The following CDC42BPG variants were observed in gnomAD, a reference collection of about 807,000 sequenced individuals.
CDC42BPG encodes serine/threonine-protein kinase MRCK gamma.
In CDC42BPG, 157 loss-of-function variants were observed where a neutral mutation model predicts 192.2. The ratio of observed to expected loss-of-function variants is 0.82; its 90% CI spans 0.72 to 0.93. CDC42BPG has a LOEUF of 0.93. CDC42BPG is among the 40% of genes least tolerant of loss of function. The probability of loss-of-function intolerance (pLI) is 0.00; values close to 1 mark genes in which losing one functional copy is unlikely to be tolerated. For synonymous variants in CDC42BPG, 981 were observed against 918.5 expected (o/e 1.07, Z -1.23); for missense variants, 1,992 against 2,122.1 (o/e 0.94, Z 1.20).
At chr11:64,834,119 T>G in intron 20 of CDC42BPG, 142 bp from the exon 21 acceptor site, 3 of 1,405,104 alleles carry the variant, frequency 2.1e-6, no homozygotes, top group Non-Finnish European at 3.0e-6. Flanking sequence ...ACTCCAGAAG[T>G]GCTGGTCACA....
chr11:64,841,893 C>G lies in CDC42BPG; in HGVS notation c.172G>C (p.Val58Leu). 1 of 1,607,854 alleles carries G rather than the reference C, an allele frequency of 6.2e-7. No homozygotes were observed. Among genetic ancestry groups the G allele is most frequent in the Non-Finnish European group, 8.5e-7 (1 of 1,177,186 alleles). The change falls in exon 2 of 37, where the codon GTA becomes CTA. Residue 58 changes from valine (V) to leucine (L), a missense_variant. Physicochemically the swap from Val to Leu is conservative, Grantham distance 32. Around this residue, in one of 2 missense-constraint regions of CDC42BPG, gnomAD observed 1,656 missense variants for 1,844.3 expected, o/e 0.90. Coordinates refer to ENST00000342711, the MANE Select transcript of CDC42BPG (RefSeq NM_017525.3). ...AQFLSWASPF[V>L]SKVKELRLQR... is the part of the protein sequence containing the mutation. Reference sequence around the variant, plus strand: ...AGACGCAGTTCTTTCACCTTTGATACGAAGGGGCTGGCTGAGGGGACACAG... The same window carrying G: ...AGACGCAGTTCTTTCACCTTTGATAGGAAGGGGCTGGCTGAGGGGACACAG...
At chr11:64,840,059 C>A (rs1943208674) in intron 5 of CDC42BPG, 61 bp downstream of exon 5, 3 of 1,520,876 alleles carry the variant, frequency 2.0e-6, no homozygotes, top group South Asian at 1.2e-5. Context: ...GTCCCCAGCA[C>A]AGCTGGCAGG....
Position 64,831,710 on chromosome 11 carries a change from G to C in CDC42BPG, c.3099C>G (p.Ser1033=). Residue 1033 remains serine (S), a synonymous_variant, in exon 28 of 37, where the codon TCC becomes TCG. Transcript: ENST00000342711. ...DLPRIFRVTT[S]QLAVPPTTCT... ...ACGTGGTGGGCGGCACTGCCAGCTG[G>C]GAGGTTGTCACCTGTGGGCAAGGAC... 1.3e-6 allele frequency: 2 copies of C among 1,597,348 alleles called. No homozygotes were observed. The highest frequency in any genetic ancestry group is 8.5e-7 in the Non-Finnish European group (1 of 1,175,146).
Position 64,844,487 on chromosome 11 carries a change from A to G in CDC42BPG, c.83T>C (p.Leu28Pro). 2.1e-6 allele frequency: 3 copies of G among 1,400,512 alleles called. No homozygotes were observed. Among genetic ancestry groups the G allele is most frequent in the Non-Finnish European group, 2.8e-6 (3 of 1,078,074 alleles). 86.8% of individuals were successfully genotyped at this position (1,400,512 alleles called of 1,614,324 possible). Residue 28 changes from leucine (L) to proline (P), a missense_variant, in exon 1 of 37, where the codon CTG becomes CCG. Around this residue, in one of 2 missense-constraint regions of CDC42BPG, gnomAD observed 1,656 missense variants for 1,844.3 expected, o/e 0.90. Transcript: ENST00000342711. ...GAGCTCGTGGTGCAGCGCCAGCAGC[A>G]GATCTAGGAGGCCGTCGAGCCCCGG... ...GCPGLDGLLD[L>P]LLALHHELSS... is the part of the protein sequence containing the mutation.
rs1565668472 is a variant in CDC42BPG, at chr11:64,827,070, C to T, written c.4369G>A (p.Gly1457Ser). 8 of 1,612,572 alleles carry T rather than the reference C, an allele frequency of 5.0e-6. No individual in the cohort carries two copies. In the South Asian group the frequency reaches 6.6e-5, roughly 13 times the overall value. Reference sequence around the variant, plus strand: ...CTAACCGGGGACTTGTCCCTGGCGCCGGGCCGCCCGTTGGCAGGGCCCACG... The same window carrying T: ...CTAACCGGGGACTTGTCCCTGGCGCTGGGCCGCCCGTTGGCAGGGCCCACG... ...VHVGPANGRPGARDKSPAPEE... is the reference protein window; with the variant it reads ...VHVGPANGRPSARDKSPAPEE... Residue 1457 changes from glycine to serine, a missense_variant, in exon 34 of 37, where the codon GGC (glycine) becomes AGC (serine). By Grantham distance (56) the Gly-to-Ser change is moderately conservative (BLOSUM62 0). Around this residue, in one of 2 missense-constraint regions of CDC42BPG, gnomAD observed 336 missense variants for 277.9 expected, o/e 1.21. Transcript: ENST00000342711.
At position 64,826,710 on chromosome 11, in the gene CDC42BPG, A is replaced by G; in HGVS notation, c.4474T>C (p.Ser1492Pro). The change falls in exon 35 of 37, where the codon TCC becomes CCC. Residue 1492 changes from serine (S) to proline (P), a missense_variant. Transcript: ENST00000342711. ...SFSEALRRPA[S>P]MGSEGLGGDA... is the part of the protein sequence containing the mutation. ...CCACCGAGGCCTTCGCTGCCCATGGAGGCTGGGCGCCGCAACGCCTCGGAG... is the reference window on the plus strand; with the variant it reads ...CCACCGAGGCCTTCGCTGCCCATGGGGGCTGGGCGCCGCAACGCCTCGGAG... 1.3e-6 allele frequency: 2 copies of G among 1,555,660 alleles called. No homozygotes were observed. The highest frequency in any genetic ancestry group is 1.7e-6 in the Non-Finnish European group (2 of 1,151,248).
At position 64,840,272 on chromosome 11, in the gene CDC42BPG, G is replaced by A. The variant is rs1355597069; in HGVS notation, c.433-4C>T. 1 of 1,609,314 alleles carries A rather than the reference G, an allele frequency of 6.2e-7. No individual in the cohort carries two copies. Among genetic ancestry groups the A allele is most frequent in the Non-Finnish European group, 8.5e-7 (1 of 1,179,128 alleles). On this transcript the variant is annotated splice_region_variant and splice_polypyrimidine_tract_variant and intron_variant, in intron 4 of 36. Transcript: ENST00000342711. ...CATAGTAGTCCATCACAAGGTACTG[G>A]AGGTGGCGGACAAGAATCAGACCCG...
In CDC42BPG at chr11:64,844,461, T is replaced by C; in HGVS notation, c.109A>G (p.Ser37Gly). 1 of 1,465,536 alleles carries C rather than the reference T, an allele frequency of 6.8e-7. No homozygotes were observed. The highest frequency in any genetic ancestry group is 9.0e-7 in the Non-Finnish European group (1 of 1,113,832). The allele number at this position is 1,465,536 out of a possible 1,614,324, so 90.8% of individuals were successfully genotyped here. ...DLLLALHHEL[S>G]SGPLRRERSV... ...CGCTCCCGCCGTAGGGGGCCGCTGC[T>C]GAGCTCGTGGTGCAGCGCCAGCAGC... Residue 37 changes from serine (S) to glycine (G), a missense_variant, in exon 1 of 37, where the codon AGC becomes GGC. By Grantham distance (56) the Ser-to-Gly change is moderately conservative. Transcript: ENST00000342711.
At position 64,829,981 on chromosome 11, in the gene CDC42BPG, G is replaced by C. The variant is rs1332294834; in HGVS notation, c.3457C>G (p.Pro1153Ala). Residue 1153 changes from proline (P) to alanine (A), a missense_variant, in exon 30 of 37, where the codon CCC (proline) becomes GCC (alanine). Physicochemically the swap from Pro to Ala is conservative, Grantham distance 27 (BLOSUM62 -1). This residue lies in a region of CDC42BPG where 1,656 missense variants were observed against 1,844.3 expected (regional missense o/e 0.90). Coordinates refer to ENST00000342711, the MANE Select transcript of CDC42BPG (RefSeq NM_017525.3). Reference protein sequence around the residue: ...GLLVVLCGRGPSVRLFALAEL... With the variant: ...GLLVVLCGRGASVRLFALAEL... Reference sequence around the variant, plus strand: ...GCCAGGGCAAAGAGACGCACGCTGGGGCCGCGGCCACACAGCACGACCAGC... The same window carrying C: ...GCCAGGGCAAAGAGACGCACGCTGGCGCCGCGGCCACACAGCACGACCAGC... 6.2e-7 allele frequency: 1 copy of C among 1,612,898 alleles called. No individual in the cohort carries two copies. Among genetic ancestry groups the C allele is most frequent in the Non-Finnish European group, 8.5e-7 (1 of 1,179,862 alleles).
rs757884720 is a variant in CDC42BPG, at chr11:64,829,709, G to T, written c.3729C>A (p.Ala1243=). 2 of 1,610,466 alleles carry T rather than the reference G, an allele frequency of 1.2e-6. No individual in the cohort carries two copies. The highest frequency in any genetic ancestry group is 1.7e-6 in the Non-Finnish European group (2 of 1,179,098). ...GCAGCGGGTAGAGTGCAAAGCCACCGGCGGCGCCCACACATAGCCGGTCGC... is the reference window on the plus strand; with the variant it reads ...GCAGCGGGTAGAGTGCAAAGCCACCTGCGGCGCCCACACATAGCCGGTCGC... ...LLGDRLCVGA[A]GGFALYPLLN... The change falls in exon 30 of 37, where the codon GCC becomes GCA. Residue 1243 remains alanine, a synonymous_variant. Coordinates refer to ENST00000342711, the MANE Select transcript of CDC42BPG (RefSeq NM_017525.3).
In CDC42BPG at chr11:64,829,651, C is replaced by T. The variant is rs746873914; in HGVS notation, c.3787G>A (p.Gly1263Ser). The T allele has an allele frequency of 9.4e-5, 152 of 1,611,284 alleles. No individual in the cohort carries two copies. Among genetic ancestry groups the T allele is most frequent in the Middle Eastern group, 3.3e-4 (2 of 6,078 alleles). ...GGTGGCAGCTCCTCAGGCACCAAACCGGCCCCCAGCGCCAACGGCGCAGCC... is the reference window on the plus strand; with the variant it reads ...GGTGGCAGCTCCTCAGGCACCAAACTGGCCCCCAGCGCCAACGGCGCAGCC... ...NEAAPLALGA[G>S]LVPEELPPSR... Residue 1263 changes from glycine to serine, a missense_variant, in exon 30 of 37, where the codon GGT becomes AGT. Gly to Ser is a moderately conservative substitution (Grantham distance 56, BLOSUM62 0). This residue lies in a region of CDC42BPG where 1,656 missense variants were observed against 1,844.3 expected (regional missense o/e 0.90). Coordinates refer to ENST00000342711, the MANE Select transcript of CDC42BPG (RefSeq NM_017525.3).
At chr11:64,837,262 A>G (rs564591781) in intron 9 of CDC42BPG, among the ~76,000 whole-genome samples, 2 of 152,160 alleles carry the variant, frequency 1.3e-5, no homozygotes, top group Non-Finnish European at 2.9e-5. Flanking sequence ...CTCGAACCCA[A>G]TGTATTTTAC....
rs1031935932 is a variant in CDC42BPG at position 64,823,204 on chromosome 11, A to C, written c.*1269T>G. ...CGGGTTCACGCCATTCTCCTGCCTC[A>C]GCCTCCCGAGTAGCAGGGACTACAG... On this transcript the variant is annotated 3_prime_UTR_variant, in exon 37 of 37. Transcript: ENST00000342711. Among the ~76,000 whole-genome samples the C allele has an allele frequency of 7.3e-5, 11 of 150,204 alleles. No homozygotes were observed. Among genetic ancestry groups the C allele is most frequent in the African/African-American group, 2.7e-4 (11 of 40,676 alleles).
At position 64,830,257 on chromosome 11, in the gene CDC42BPG, C is replaced by T; in HGVS notation, c.3305-1G>A. ...GTGCCAAGCGCAAGTCGATCCTGGT[C>T]TGGTAGAGGGAGGCAGAGGGTCAGA... On this transcript the variant is annotated splice_acceptor_variant, in intron 28 of 36. Transcript: ENST00000342711. LOFTEE classifies it high-confidence loss of function. 2 of 1,606,032 alleles carry T rather than the reference C, an allele frequency of 1.2e-6. No homozygotes were observed. The highest frequency in any genetic ancestry group is 1.7e-6 in the Non-Finnish European group (2 of 1,176,316).
chr11:64,827,262 C>CTGA lies in CDC42BPG; in HGVS notation c.4271+15_4271+16insTCA, dbSNP rs1565669008. On this transcript the variant is annotated intron_variant, in intron 33 of 36. Coordinates refer to ENST00000342711, the MANE Select transcript of CDC42BPG (RefSeq NM_017525.3). ...CGGCCCCACCCAGCCTCAGCCCCCGCGTCGTGCACGCGCACCTGCGCTGCT... is the reference window on the plus strand; with the variant it reads ...CGGCCCCACCCAGCCTCAGCCCCCGCTGAGTCGTGCACGCGCACCTGCGCTGCT... The CTGA allele has an allele frequency of 1.1e-5, 17 of 1,613,378 alleles. No homozygotes were observed. The highest frequency in any genetic ancestry group is 1.4e-5 in the Non-Finnish European group (16 of 1,179,712).
intron 9 of CDC42BPG, among the ~76,000 whole-genome samples, chr11:64,837,567 T>A (rs1441545172): frequency 1.3e-5 from 2 of 152,224 alleles, no homozygotes; most frequent in Middle Eastern, 3.2e-3. Context: ...TTCAAGCGAT[T>A]CTCGCTGCCT....
Position 64,834,076 on chromosome 11 carries a change from C to A in CDC42BPG, c.2414-99G>T, listed in dbSNP as rs986745082. On this transcript the variant is annotated intron_variant, in intron 20 of 36. Transcript: ENST00000342711. The stretch of plus-strand genomic sequence containing the variant: ...CCCACCTCAGTAAAATGGGAAATGA[C>A]CACAGGGTGGGGCAGGGCTGGGCAC... 3 of 1,547,222 alleles carry A rather than the reference C, an allele frequency of 1.9e-6. No homozygotes were observed. In the African/African-American group the frequency reaches 4.1e-5, roughly 21 times the overall value.
At chr11:64,843,350 T>C (rs1592730304) in intron 1 of CDC42BPG, among the ~76,000 whole-genome samples, 2 of 146,236 alleles carry the variant, frequency 1.4e-5, no homozygotes, top group African/African-American at 2.6e-5. Flanking sequence ...ATGGGGGGGG[T>C]GACAACAACA....
rs149057251 is a variant in CDC42BPG at position 64,836,184 on chromosome 11, G to A, written c.1601C>T (p.Ala534Val). ...QRLQEAQERE[A>V]ATASQTRALS... ...GGCCCGGGTCTGGCTAGCTGTGGCC[G>A]CCTCTCTCTCCTGGGCCTCCTGTAG... is the stretch of plus-strand genomic sequence containing the variant. The change falls in exon 13 of 37, where the codon GCG (alanine) becomes GTG (valine). Residue 534 changes from alanine (A) to valine (V), a missense_variant. Physicochemically the swap from Ala to Val is moderately conservative, Grantham distance 64 (BLOSUM62 0). This residue lies in a region of CDC42BPG where 1,656 missense variants were observed against 1,844.3 expected (regional missense o/e 0.90). Transcript: ENST00000342711. 5.0e-6 allele frequency: 8 copies of A among 1,595,466 alleles called. No individual in the cohort carries two copies. Among genetic ancestry groups the A allele is most frequent in the South Asian group, 1.1e-5 (1 of 88,620 alleles).
Sources: gnomAD v4.1 joint callset for allele counts (sites outside exome capture counted in the v4.1 genomes callset) on GRCh38, gnomAD v4.1.1 for gene constraint, gnomAD v4.1.1 regional missense constraint, MANE v1.5 for transcripts, NCBI Gene and HGNC (gene_info 2026-07-23, HGNC 2026-07-21) for gene names.